The following CCDC198 variants were observed in gnomAD, a reference collection of about 807,000 sequenced individuals.
The protein encoded by CCDC198 is factor associated with metabolism and energy.
In CCDC198, 18 loss-of-function variants were observed where a neutral mutation model predicts 35.6. The observed-to-expected ratio is 0.51, with a 90% confidence interval of 0.35 to 0.75. The LOEUF (loss-of-function observed/expected upper bound fraction) is 0.75, where lower values mean the gene tolerates loss of function less well. CCDC198 is among the 30% of genes least tolerant of loss of function. The probability of loss-of-function intolerance (pLI) is 0.01; values close to 1 mark genes in which losing one functional copy is unlikely to be tolerated. For missense variants in CCDC198, 365 were observed against 343.7 expected, an observed-to-expected ratio of 1.06 and a Z score of -0.49; for synonymous variants, 119 against 113.4, an observed-to-expected ratio of 1.05 and a Z score of -0.31.
chr14:57,479,807 A>C (rs1419904863), intron 5 of CCDC198, among the ~76,000 whole-genome samples: 1 of 152,170 alleles, frequency 6.6e-6, no homozygotes, highest in African/African-American at 2.4e-5. Context: ...GGGCCCTAAC[A>C]GGTTCCCAGG....
chr14:57,475,077 C>T (rs1013095042), intron 5 of CCDC198, among the ~76,000 whole-genome samples: 53 of 151,984 alleles, frequency 3.5e-4, no homozygotes, highest in Admixed American at 1.6e-3. Flanking sequence ...TTGGCTAACA[C>T]AGTGAACCCC....
intron 5 of CCDC198, among the ~76,000 whole-genome samples, 192 bp from the exon 6 acceptor site, chr14:57,471,782 T>G (rs542695901): frequency 1.3e-5 from 2 of 150,018 alleles, no homozygotes; most frequent in Non-Finnish European, 3.0e-5. Flanking sequence ...TAAACATTTT[T>G]TAGTTGTTAT....
At chr14:57,473,590 T>A (rs1156771322) in intron 5 of CCDC198, among the ~76,000 whole-genome samples, 1 of 152,222 alleles carries the variant, frequency 6.6e-6, no homozygotes, top group Non-Finnish European at 1.5e-5. Flanking sequence ...ATCCTGATCG[T>A]GACCCCACTA....
In CCDC198 at chr14:57,493,756, G is replaced by C; in HGVS notation, c.-41C>G. The C allele has an allele frequency of 5.4e-6, 8 of 1,490,258 alleles. No individual in the cohort carries two copies. The highest frequency in any genetic ancestry group is 7.4e-6 in the Non-Finnish European group (8 of 1,078,640). 92.3% of individuals were successfully genotyped at this position (1,490,258 alleles called of 1,614,324 possible). ...TTCAGAGGAAAGCTGCGAGGGAAGT[G>C]GTTTTGGGGTCTTTAATATAGCTTA... On this transcript the variant is annotated 5_prime_UTR_variant, in exon 1 of 6. Coordinates refer to ENST00000216445, the MANE Select transcript of CCDC198 (RefSeq NM_018168.4).
intron 5 of CCDC198, chr14:57,480,343 A>T (rs2067140499): frequency 3.4e-5 from 32 of 952,952 alleles, no homozygotes; most frequent in Non-Finnish European, 4.0e-5. Context: ...AAGACTTGCA[A>T]TGAAGCATGC....
rs2066778799 is a variant in CCDC198 at position 57,469,441 on chromosome 14, A to G, written c.*1914T>C. On this transcript the variant is annotated 3_prime_UTR_variant, in exon 6 of 6. Coordinates refer to ENST00000216445, the MANE Select transcript of CCDC198 (RefSeq NM_018168.4). ...AGCTTGTGGAAGTGGGTTTCGTGAA[A>G]TTGAATTTTAAGTCACATAACAGAA... The G allele has an allele frequency of 6.6e-6, 1 of 152,212 alleles. No homozygotes were observed. Among genetic ancestry groups the G allele is most frequent in the African/African-American group, 2.4e-5 (1 of 41,458 alleles). The allele number at this position is 152,212 out of a possible 1,614,324, so 9.4% of individuals were successfully genotyped here.
intron 3 of CCDC198, among the ~76,000 whole-genome samples, chr14:57,482,430 C>T (rs186417993): frequency 1.3e-5 from 2 of 152,170 alleles, no homozygotes. Flanking sequence ...GATGTGACAG[C>T]ACCTGGACAT....
intron 5 of CCDC198, chr14:57,475,476 C>T (rs1488642779): frequency 1.6e-6 from 2 of 1,228,766 alleles, no homozygotes; most frequent in South Asian, 2.7e-5. Context: ...TGGCTCATGC[C>T]TGTAATCGGA....
chr14:57,493,523 G>T lies in CCDC198; in HGVS notation c.193C>A (p.Gln65Lys). The T allele has an allele frequency of 6.2e-7, 1 of 1,613,886 alleles. No individual in the cohort carries two copies. Among genetic ancestry groups the T allele is most frequent in the East Asian group, 2.2e-5 (1 of 44,862 alleles). ...KALEGQLPPLQENWYGRYSTA... is the reference protein window; with the variant it reads ...KALEGQLPPLKENWYGRYSTA... ...GAATATCTTCCATACCAGTTTTCTTGTAAAGGTGGCAGCTGCCCTTCCAAG... is the reference window on the plus strand; with the variant it reads ...GAATATCTTCCATACCAGTTTTCTTTTAAAGGTGGCAGCTGCCCTTCCAAG... The change falls in exon 1 of 6, where the codon CAA (glutamine) becomes AAA (lysine). Residue 65 changes from glutamine (Q) to lysine (K), a missense_variant. Gln to Lys is a moderately conservative substitution (Grantham distance 53). Coordinates refer to ENST00000216445, the MANE Select transcript of CCDC198 (RefSeq NM_018168.4).
At chr14:57,490,615 A>C (rs2067530301) in intron 2 of CCDC198, among the ~76,000 whole-genome samples, 1 of 152,184 alleles carries the variant, frequency 6.6e-6, no homozygotes, top group African/African-American at 2.4e-5. Flanking sequence ...AATGAATGAC[A>C]TAGATTGAAT....
Position 57,481,747 on chromosome 14 carries a change from C to T in CCDC198, c.394-87G>A, listed in dbSNP as rs528453509. On this transcript the variant is annotated intron_variant, in intron 3 of 5. Transcript: ENST00000216445. ...GTTTAGATCCTTTTTGAAACAGAGT[C>T]AGATCTTAATCAGTCATAACCTGTA... The T allele has an allele frequency of 4.5e-5, 38 of 838,944 alleles. No homozygotes were observed. The African/African-American group carries it at 6.2e-4, about 14-fold the overall frequency. 52.0% of individuals were successfully genotyped at this position (838,944 alleles called of 1,614,324 possible).
intron 1 of CCDC198, among the ~76,000 whole-genome samples, chr14:57,492,392 A>G (rs2067601356): frequency 6.6e-6 from 1 of 152,038 alleles, no homozygotes; most frequent in Admixed American, 6.6e-5. Flanking sequence ...TCTGTCACCA[A>G]AATCTTAAAA....
intron 2 of CCDC198, among the ~76,000 whole-genome samples, chr14:57,485,885 A>T (rs1285231377): frequency 6.6e-6 from 1 of 152,224 alleles, no homozygotes; most frequent in Non-Finnish European, 1.5e-5. Context: ...TGGGTCTTTT[A>T]ACATAACTTA....
At chr14:57,477,220 G>A (rs1032927293) in intron 5 of CCDC198, among the ~76,000 whole-genome samples, 4 of 152,168 alleles carry the variant, frequency 2.6e-5, no homozygotes, top group African/African-American at 9.7e-5. Context: ...TACATGTACA[G>A]GGCTGCACAG....
chr14:57,478,474 C>T, intron 5 of CCDC198: 3 of 986,230 alleles, frequency 3.0e-6, no homozygotes, highest in Non-Finnish European at 3.6e-6. Flanking sequence ...TTAGCTTGAA[C>T]AAAACGAAGC....
rs1222599611 is a variant in CCDC198, at chr14:57,480,614, T to A, written c.636A>T (p.Glu212Asp). 6.2e-7 allele frequency: 1 copy of A among 1,614,036 alleles called. No homozygotes were observed. The highest frequency in any genetic ancestry group is 2.2e-5 in the East Asian group (1 of 44,876). ...ACTCACCGGGACCTCTGTTCAAGATTTCATCAGGCAACATGGTTAGAAGGT... is the reference window on the plus strand; with the variant it reads ...ACTCACCGGGACCTCTGTTCAAGATATCATCAGGCAACATGGTTAGAAGGT... ...DHDLLTMLPDEILNRGPGNSK... is the reference protein window; with the variant it reads ...DHDLLTMLPDDILNRGPGNSK... Residue 212 changes from glutamate (E) to aspartate (D), a missense_variant, in exon 5 of 6, where the codon GAA (glutamate) becomes GAT (aspartate). By Grantham distance (45) the Glu-to-Asp change is conservative. Transcript: ENST00000216445.
intron 5 of CCDC198, chr14:57,478,602 T>C: frequency 1.0e-6 from 1 of 987,012 alleles, no homozygotes; most frequent in Non-Finnish European, 1.2e-6. Context: ...TGGTTTTTCT[T>C]GGCGTGCTCT....
Position 57,483,569 on chromosome 14 carries a change from T to G in CCDC198, c.307-418A>C, listed in dbSNP as rs534512439. ...CCAGCCCTTAGGGAAGCAATCTGTTTTTAAGATCTCTAGAGAAGCTCCTTA... is the reference window on the plus strand; with the variant it reads ...CCAGCCCTTAGGGAAGCAATCTGTTGTTAAGATCTCTAGAGAAGCTCCTTA... On this transcript the variant is annotated intron_variant, in intron 2 of 5. Coordinates refer to ENST00000216445, the MANE Select transcript of CCDC198 (RefSeq NM_018168.4). Among the ~76,000 whole-genome samples the G allele has an allele frequency of 1.6e-4, 25 of 152,342 alleles. No homozygotes were observed. In the South Asian group the frequency reaches 5.2e-3, roughly 32 times the overall value.
chr14:57,479,289 T>C (rs114842440), intron 5 of CCDC198, among the ~76,000 whole-genome samples: 2 of 152,174 alleles, frequency 1.3e-5, no homozygotes, highest in Non-Finnish European at 2.9e-5. Flanking sequence ...GGCCTTGTTA[T>C]GTTGGCCAGG....
Sources: gnomAD v4.1 joint callset for allele counts (sites outside exome capture counted in the v4.1 genomes callset) on GRCh38, gnomAD v4.1.1 for gene constraint, MANE v1.5 for transcripts, NCBI Gene and HGNC (gene_info 2026-07-23, HGNC 2026-07-21) for gene names.